Variants in TGFA observed in about 807,000 individuals in gnomAD.
The protein encoded by TGFA is protransforming growth factor alpha.
Under a neutral mutation model 21.7 loss-of-function variants are expected in TGFA, and 12 were observed. That is an observed-to-expected ratio of 0.55 (90% CI 0.35 to 0.90). The LOEUF (loss-of-function observed/expected upper bound fraction) is 0.90, where lower values mean the gene tolerates loss of function less well. Among genes scored for constraint, TGFA ranks in the 40% least tolerant of loss-of-function variants. TGFA has a pLI of 0.01. For missense variants in TGFA, 178 were observed against 210.8 expected, an observed-to-expected ratio of 0.84 and a Z score of 0.96; for synonymous variants, 79 against 88.1, an observed-to-expected ratio of 0.90 and a Z score of 0.58.
intron 2 of TGFA, among the ~76,000 whole-genome samples, chr2:70,508,088 G>A (rs1167508103): frequency 6.6e-6 from 1 of 152,212 alleles, no homozygotes; most frequent in African/African-American, 2.4e-5. Flanking sequence ...GTTTCTATAA[G>A]TAGAGAGTTT....
chr2:70,467,135 A>G (rs1272842569), intron 2 of TGFA, among the ~76,000 whole-genome samples: 3 of 152,164 alleles, frequency 2.0e-5, no homozygotes, highest in African/African-American at 7.2e-5. Context: ...GCAAACCACC[A>G]TGGCACATGT....
At position 70,521,609 on chromosome 2, in the gene TGFA, G is replaced by GTTTTTTTTTTTTTTTTTTTTTTTTTT. The variant is rs797022948; in HGVS notation, c.41-6698_41-6697insAAAAAAAAAAAAAAAAAAAAAAAAAA. On this transcript the variant is annotated intron_variant, in intron 1 of 5. Transcript: ENST00000295400. Reference sequence around the variant, plus strand: ...ACTATTGATAGTTTTTTTTGTTGTTGTTTGTTTGTTTTTTTTTTTTTTTTT... The same window carrying GTTTTTTTTTTTTTTTTTTTTTTTTTT: ...ACTATTGATAGTTTTTTTTGTTGTTGTTTTTTTTTTTTTTTTTTTTTTTTTTTTTGTTTGTTTTTTTTTTTTTTTTT... Among the ~76,000 whole-genome samples the GTTTTTTTTTTTTTTTTTTTTTTTTTT allele has an allele frequency of 1.9e-4, 15 of 78,868 alleles. 2 individuals are homozygous for GTTTTTTTTTTTTTTTTTTTTTTTTTT. The highest frequency in any genetic ancestry group is 3.6e-4 in the Admixed American group (2 of 5,610). The allele number at this position is 78,868 out of a possible 152,430, so 51.7% of individuals were successfully genotyped here. A position where few individuals can be genotyped will look rare whatever the true frequency, so the allele number is the denominator to read the frequency against.
chr2:70,451,890 C>T (rs1670071063), intron 5 of TGFA: 2 of 625,714 alleles, frequency 3.2e-6, no homozygotes, highest in Non-Finnish European at 5.7e-6. Flanking sequence ...GAGCCATCCT[C>T]TTCCTAAGAC....
intron 1 of TGFA, among the ~76,000 whole-genome samples, chr2:70,519,300 A>T (rs1302211924): frequency 6.6e-6 from 1 of 152,210 alleles, no homozygotes; most frequent in African/African-American, 2.4e-5. Context: ...GCATAAATAT[A>T]TAAAGAAATG....
intron 2 of TGFA, among the ~76,000 whole-genome samples, chr2:70,475,183 G>A (rs1349130632): frequency 6.6e-6 from 1 of 152,116 alleles, no homozygotes; most frequent in East Asian, 1.9e-4. Context: ...AAAGTACCTG[G>A]TCTTAGAGTT....
At chr2:70,476,248 G>A (rs1451633069) in intron 2 of TGFA, among the ~76,000 whole-genome samples, 6 of 152,026 alleles carry the variant, frequency 3.9e-5, no homozygotes, top group African/African-American at 9.7e-5. Flanking sequence ...GCCCCTTATT[G>A]TAATTACATC....
intron 3 of TGFA, chr2:70,461,826 G>A (rs148048321): frequency 1.7e-4 from 26 of 152,342 alleles, no homozygotes; most frequent in Non-Finnish European, 3.5e-4. Context: ...AAAGGGAGCT[G>A]TAAAATACCA....
intron 2 of TGFA, among the ~76,000 whole-genome samples, chr2:70,476,080 CAAAAAAAAA>C (rs1175233983): frequency 1.8e-5 from 1 of 55,652 alleles, no homozygotes; most frequent in East Asian, 7.7e-4. Flanking sequence ...TAATTTTAAG[CAAAAAAAAA>C]AAAAAAAAAA....
At chr2:70,471,914 A>AC (rs1553493375) in intron 2 of TGFA, among the ~76,000 whole-genome samples, 3 of 151,840 alleles carry the variant, frequency 2.0e-5, no homozygotes, top group Admixed American at 6.6e-5. Context: ...ATTACAAGGA[A>AC]CCCCCCAAAT....
At chr2:70,553,279 T>C in intron 1 of TGFA, 1 of 1,534,060 alleles carries the variant, frequency 6.5e-7, no homozygotes, top group Non-Finnish European at 8.7e-7. Context: ...GGGCAGGGGG[T>C]GCCAAAGGGG....
chr2:70,553,804 T>G lies in TGFA; in HGVS notation c.-37A>C. 1 of 1,255,736 alleles carries G rather than the reference T, an allele frequency of 8.0e-7. No homozygotes were observed. The highest frequency in any genetic ancestry group is 1.0e-6 in the Non-Finnish European group (1 of 993,388). 77.8% of individuals were successfully genotyped at this position (1,255,736 alleles called of 1,614,324 possible). A position where few individuals can be genotyped will look rare whatever the true frequency, so the allele number is the denominator to read the frequency against. On this transcript the variant is annotated 5_prime_UTR_variant, in exon 1 of 6. Transcript: ENST00000295400. Reference sequence around the variant, plus strand: ...GCGGGCAGCAGGCTCTCCAGCCTCCTGCCCTACCTGCGGTGCCCGAGTGGC... The same window carrying G: ...GCGGGCAGCAGGCTCTCCAGCCTCCGGCCCTACCTGCGGTGCCCGAGTGGC...
chr2:70,457,292 C>T (rs2103672008), intron 3 of TGFA, among the ~76,000 whole-genome samples: 1 of 152,250 alleles, frequency 6.6e-6, no homozygotes, highest in Admixed American at 6.5e-5. Flanking sequence ...AATCACGGCC[C>T]CCTGCTATGC....
intron 1 of TGFA, among the ~76,000 whole-genome samples, chr2:70,520,089 C>T (rs1481565610): frequency 1.3e-5 from 2 of 152,218 alleles, no homozygotes; most frequent in African/African-American, 4.8e-5. Context: ...TCACCATGAG[C>T]ACCCACTGAA....
intron 2 of TGFA, among the ~76,000 whole-genome samples, chr2:70,498,622 C>A (rs1027214415): frequency 6.6e-6 from 1 of 151,744 alleles, no homozygotes; most frequent in Non-Finnish European, 1.5e-5. Flanking sequence ...GTGGCAGGTG[C>A]AAAGGTGTGG....
intron 5 of TGFA, 35 bp from the exon 6 acceptor site, chr2:70,450,901 G>A (rs1670033915): frequency 6.2e-7 from 1 of 1,600,722 alleles, no homozygotes; most frequent in African/African-American, 1.3e-5. Context: ...AGCACTGTGG[G>A]CCACACCCTG....
chr2:70,476,513 G>A (rs1412310401), intron 2 of TGFA, among the ~76,000 whole-genome samples: 2 of 152,156 alleles, frequency 1.3e-5, no homozygotes, highest in African/African-American at 4.8e-5. Context: ...TATCAAAATT[G>A]TTAGGTAAAG....
At chr2:70,452,825 C>T (rs1321793143) in intron 5 of TGFA, among the ~76,000 whole-genome samples, 1 of 152,116 alleles carries the variant, frequency 6.6e-6, no homozygotes, top group East Asian at 1.9e-4. Context: ...AGCCTGTAAT[C>T]CCAGCTACTC....
At position 70,514,082 on chromosome 2, in the gene TGFA, G is replaced by A. The variant is rs529301298; in HGVS notation, c.94+777C>T. Among the ~76,000 whole-genome samples the A allele has an allele frequency of 3.3e-5, 5 of 152,306 alleles. No individual in the cohort carries two copies. The South Asian group carries it at 8.3e-4, about 25-fold the overall frequency. ...CATAACTTAAGAAACTAGAGCCACC[G>A]TAAATATCCAATGGGAAATGTTTCA... On this transcript the variant is annotated intron_variant, in intron 2 of 5. Transcript: ENST00000295400.
At chr2:70,469,781 G>A (rs1025566982) in intron 2 of TGFA, among the ~76,000 whole-genome samples, 1 of 152,216 alleles carries the variant, frequency 6.6e-6, no homozygotes, top group African/African-American at 2.4e-5. Flanking sequence ...AAACTCCTGT[G>A]TGACTCTAAA....
Sources: allele counts gnomAD v4.1 joint callset (sites outside exome capture counted in the v4.1 genomes callset), GRCh38; gene constraint gnomAD v4.1.1; transcripts MANE v1.5; gene names NCBI Gene and HGNC (gene_info 2026-07-23, HGNC 2026-07-21).